Variants in HTR1E observed in about 807,000 individuals in gnomAD.
The protein encoded by HTR1E is 5-hydroxytryptamine receptor 1E, also known as 5-HT-1E.
HTR1E carries 3 observed loss-of-function variants against 3.4 expected under a neutral mutation model. The observed-to-expected ratio is 0.89, with a 90% CI of 0.41 to 2.31. The LOEUF (loss-of-function observed/expected upper bound fraction) is 2.31. Among genes scored for constraint, HTR1E ranks in the 30% most tolerant of loss-of-function variants. HTR1E has a pLI of 0.05. For synonymous variants in HTR1E, 170 were observed against 182.8 expected (o/e 0.93, Z 0.56); for missense variants, 392 against 467.0 (o/e 0.84, Z 1.48).
chr6:86,985,178 C>T (rs1274939043), intron 1 of HTR1E, among the ~76,000 whole-genome samples: 3 of 152,070 alleles, frequency 2.0e-5, no homozygotes, highest in African/African-American at 7.3e-5. Context: ...TGCTCTCAAT[C>T]CCATATAGGA....
chr6:87,010,346 C>T (rs1212024773), intron 1 of HTR1E, among the ~76,000 whole-genome samples: 40 of 92,726 alleles, frequency 4.3e-4, no homozygotes, highest in Admixed American at 1.4e-3. Context: ...CCGGACGGGG[C>T]GGCTGGCCGG....
At chr6:87,012,437 C>T (rs748046052) in intron 1 of HTR1E, among the ~76,000 whole-genome samples, 32 of 152,244 alleles carry the variant, frequency 2.1e-4, no homozygotes, top group Non-Finnish European at 3.1e-4. Flanking sequence ...GAAAAACTAC[C>T]TTTTGGGTAC....
intron 1 of HTR1E, among the ~76,000 whole-genome samples, chr6:86,974,944 G>T (rs1227794563): frequency 6.6e-6 from 1 of 152,138 alleles, no homozygotes; most frequent in Non-Finnish European, 1.5e-5. Context: ...GATGTTCCAA[G>T]ATCATTCGCA....
At chr6:87,006,283 T>C (rs549967692) in intron 1 of HTR1E, among the ~76,000 whole-genome samples, 1 of 152,330 alleles carries the variant, frequency 6.6e-6, no homozygotes, top group Admixed American at 6.5e-5. Context: ...TGCACTCCCA[T>C]GTTTATTGCA....
intron 1 of HTR1E, among the ~76,000 whole-genome samples, chr6:86,969,693 T>C (rs140620838): frequency 6.6e-6 from 1 of 152,310 alleles, no homozygotes; most frequent in Non-Finnish European, 1.5e-5. Context: ...ACTTCTTCTC[T>C]TACACTAAGC....
In HTR1E at chr6:86,944,939, G is replaced by GCTA. The variant is rs56237020; in HGVS notation, c.-186+7116_-186+7117insCTA. 9.8e-4 allele frequency among the ~76,000 whole-genome samples: 149 copies of GCTA among 151,940 alleles called. 1 individual carries two copies. Among genetic ancestry groups the GCTA allele is most frequent in the African/African-American group, 3.5e-3 (145 of 41,394 alleles). On this transcript the variant is annotated intron_variant, in intron 1 of 1. Transcript: ENST00000305344. ...CAATTATGTATAGTATATAATACTT[G>GCTA]ATAATAAACAACTGTTACTGGTTTA...
At chr6:87,001,945 A>AGATATT (rs1345400927) in intron 1 of HTR1E, among the ~76,000 whole-genome samples, 5 of 152,234 alleles carry the variant, frequency 3.3e-5, no homozygotes, top group Admixed American at 2.0e-4. Context: ...GCCAATGGAA[A>AGATATT]CCAAAAAAGA....
At chr6:86,948,642 G>GT (rs1379125775) in intron 1 of HTR1E, among the ~76,000 whole-genome samples, 2 of 152,072 alleles carry the variant, frequency 1.3e-5, no homozygotes, top group African/African-American at 4.8e-5. Context: ...GCCATCTGTC[G>GT]TTTTTGGCCC....
intron 1 of HTR1E, among the ~76,000 whole-genome samples, chr6:86,949,863 C>G (rs1486627116): frequency 6.6e-6 from 1 of 151,926 alleles, no homozygotes; most frequent in Non-Finnish European, 1.5e-5. Context: ...CCTATTAAAC[C>G]AGTTGCTCTT....
intron 1 of HTR1E, among the ~76,000 whole-genome samples, chr6:87,000,622 C>T (rs1306276799): frequency 1.3e-5 from 2 of 152,164 alleles, no homozygotes; most frequent in African/African-American, 4.8e-5. Context: ...AAGAAAATAA[C>T]TTTTATCCTA....
At chr6:86,975,908 C>G (rs959764746) in intron 1 of HTR1E, among the ~76,000 whole-genome samples, 2 of 146,620 alleles carry the variant, frequency 1.4e-5, no homozygotes, top group South Asian at 2.1e-4. Context: ...CTCTCTCTCT[C>G]TCTCTCTGAG....
chr6:86,970,911 T>TA (rs1216155784), intron 1 of HTR1E: 9 of 290,102 alleles, frequency 3.1e-5, no homozygotes, highest in African/African-American at 1.6e-4. Flanking sequence ...GTAAATGAGC[T>TA]AATCTACAAC....
Position 87,015,803 on chromosome 6 carries a change from C to A in HTR1E, c.469C>A (p.Pro157Thr), listed in dbSNP as rs750676240. The part of the protein sequence containing the change: ...WTISIFISMP[P>T]LFWRSHRRLS... ...CATCTCCATTTTCATCTCCATGCCC[C>A]CTCTGTTCTGGAGAAGCCACCGCCG... The change falls in exon 2 of 2, where the codon CCT becomes ACT. Residue 157 changes from proline (P) to threonine (T), a missense_variant. Around this residue, in one of 3 missense-constraint regions of HTR1E, gnomAD observed 189 missense variants for 258.0 expected, o/e 0.73. Transcript: ENST00000305344. The A allele has an allele frequency of 1.2e-6, 2 of 1,612,746 alleles. No homozygotes were observed. The highest frequency in any genetic ancestry group is 1.7e-5 in the Admixed American group (1 of 59,920).
intron 1 of HTR1E, among the ~76,000 whole-genome samples, chr6:86,944,803 G>A (rs980410532): frequency 9.9e-5 from 15 of 152,196 alleles, no homozygotes; most frequent in South Asian, 2.1e-4. Context: ...ACAGCCTAGT[G>A]ACATCATCGC....
At chr6:86,956,947 T>C (rs537323830) in intron 1 of HTR1E, among the ~76,000 whole-genome samples, 15 of 152,334 alleles carry the variant, frequency 9.8e-5, no homozygotes, top group African/African-American at 3.6e-4. Flanking sequence ...TAGAAGACTA[T>C]AAGGTTAGGT....
At chr6:86,947,954 T>C (rs1028817289) in intron 1 of HTR1E, among the ~76,000 whole-genome samples, 10 of 152,152 alleles carry the variant, frequency 6.6e-5, no homozygotes, top group Admixed American at 5.9e-4. Context: ...CCACGGTGGT[T>C]CACTGCACCT....
At position 87,010,286 on chromosome 6, in the gene HTR1E, C is replaced by T. The variant is rs539275762; in HGVS notation, c.-185-4864C>T. 9.6e-4 allele frequency among the ~76,000 whole-genome samples: 112 copies of T among 116,458 alleles called. 3 individuals carry two copies. The highest frequency in any genetic ancestry group is 4.2e-3 in the South Asian group (13 of 3,116). 76.4% of individuals were successfully genotyped at this position (116,458 alleles called of 152,430 possible). A position where few individuals can be genotyped will look rare whatever the true frequency, so the allele number is the denominator to read the frequency against. ...CCGGGCAGAGGTGCCCCTCACCTCC[C>T]GGACGGGGCGGCTGGCCGGGCGGGG... On this transcript the variant is annotated intron_variant, in intron 1 of 1. Coordinates refer to ENST00000305344, the MANE Select transcript of HTR1E (RefSeq NM_000865.3).
At chr6:86,975,867 G>GT (rs1189798064) in intron 1 of HTR1E, among the ~76,000 whole-genome samples, 4 of 150,212 alleles carry the variant, frequency 2.7e-5, no homozygotes, top group Admixed American at 6.7e-5. Context: ...AAGTGTATTA[G>GT]TTTTTTTATT....
At chr6:87,012,387 A>G (rs1204110933) in intron 1 of HTR1E, among the ~76,000 whole-genome samples, 1 of 152,176 alleles carries the variant, frequency 6.6e-6, no homozygotes, top group Non-Finnish European at 1.5e-5. Context: ...TAGATACCAG[A>G]GCCTACATGA....
Sources: gnomAD v4.1 joint callset for allele counts (sites outside exome capture counted in the v4.1 genomes callset) on GRCh38, gnomAD v4.1.1 for gene constraint, gnomAD v4.1.1 regional missense constraint, MANE v1.5 for transcripts, NCBI Gene and HGNC (gene_info 2026-07-23, HGNC 2026-07-21) for gene names.